Variants in BRAT1 observed in about 807,000 individuals in gnomAD.
BRAT1 encodes BRCA1 associated ATM activator 1.
A neutral mutation model predicts 70.6 loss-of-function variants in BRAT1; 74 were observed. The ratio of observed to expected loss-of-function variants is 1.05; its 90% CI spans 0.87 to 1.27. The LOEUF (loss-of-function observed/expected upper bound fraction) is 1.27. Ranked by LOEUF, BRAT1 falls within the 50% of genes most tolerant of loss-of-function variation. The pLI is 0.00. For missense variants in BRAT1, 1,203 were observed against 1,098.2 expected (o/e 1.10, Z -1.35); for synonymous variants, 615 against 517.1 (o/e 1.19, Z -2.57).
Position 2,539,280 on chromosome 7 carries a change from G to A in BRAT1, c.1669C>T (p.Pro557Ser). 1 of 1,612,018 alleles carries A rather than the reference G, an allele frequency of 6.2e-7. No homozygotes were observed. Among genetic ancestry groups the A allele is most frequent in the East Asian group, 2.2e-5 (1 of 44,882 alleles). Residue 557 changes from proline to serine, a missense_variant, in exon 13 of 14, where the codon CCT (proline) becomes TCT (serine). Pro to Ser is a moderately conservative substitution (Grantham distance 74). Transcript: ENST00000340611. ...PQLALQLLQD[P>S]ESYVRASAVT... ...GCACTCGCTCGGACATAACTCTCAG[G>A]GTCCTGGAGGAGCTGCAGGGCCAGC...
At chr7:2,554,786 G>C (rs1780290881) in intron 1 of BRAT1, among the ~76,000 whole-genome samples, 1 of 152,244 alleles carries the variant, frequency 6.6e-6, no homozygotes, top group Non-Finnish European at 1.5e-5. Context: ...AGGTGGGCCA[G>C]AGTCAGGGGC....
Position 2,539,644 on chromosome 7 carries a change from T to C in BRAT1, c.1499-2A>G, listed in dbSNP as rs1407786668. 1 of 1,588,374 alleles carries C rather than the reference T, an allele frequency of 6.3e-7. No individual in the cohort carries two copies. Among genetic ancestry groups the C allele is most frequent in the Non-Finnish European group, 8.6e-7 (1 of 1,165,738 alleles). On this transcript the variant is annotated splice_acceptor_variant, in intron 11 of 13. Coordinates refer to ENST00000340611, the MANE Select transcript of BRAT1 (RefSeq NM_152743.4). LOFTEE classifies it high-confidence loss of function. Reference sequence around the variant, plus strand: ...GTTTCTGCAGCACAGGGAACAGCTCTAGGGTGGGAAGGGACAGGTCAGGGT... The same window carrying C: ...GTTTCTGCAGCACAGGGAACAGCTCCAGGGTGGGAAGGGACAGGTCAGGGT...
chr7:2,542,920 C>CTACACTA, intron 6 of BRAT1: 1 of 231,552 alleles, frequency 4.3e-6, no homozygotes, highest in Admixed American at 5.6e-5. Flanking sequence ...GGCAGCGGAG[C>CTACACTA]GCAGGGCGTC....
Position 2,543,232 on chromosome 7 carries a change from C to G in BRAT1, c.895G>C (p.Ala299Pro). The G allele has an allele frequency of 6.2e-7, 1 of 1,608,824 alleles. No homozygotes were observed. Among genetic ancestry groups the G allele is most frequent in the East Asian group, 2.2e-5 (1 of 44,584 alleles). The change falls in exon 6 of 14, where the codon GCT (alanine) becomes CCT (proline). Residue 299 changes from alanine to proline, a missense_variant. Physicochemically the swap from Ala to Pro is conservative, Grantham distance 27. Transcript: ENST00000340611. The surrounding 1 kb of genome is among the most constrained non-coding windows in gnomAD (Gnocchi z 5.5). Reference protein sequence around the residue: ...CLGPTHMGPLALGILKLEHCP... With the variant: ...CLGPTHMGPLPLGILKLEHCP... ...TGCTCGAGCTTCAGGATCCCCAAAGCCAGGGGTCCCATGTGGGTGGGACCC... is the reference window on the plus strand; with the variant it reads ...TGCTCGAGCTTCAGGATCCCCAAAGGCAGGGGTCCCATGTGGGTGGGACCC...
intron 1 of BRAT1, 74 bp from the exon 2 acceptor site, chr7:2,554,521 CA>C (rs1780267834): frequency 2.7e-6 from 4 of 1,486,306 alleles, no homozygotes; most frequent in Non-Finnish European, 3.6e-6. Context: ...AGCAGCCCAC[CA>C]TGCCTGCTCA....
At chr7:2,548,073 G>C (rs187670455) in intron 2 of BRAT1, among the ~76,000 whole-genome samples, 1 of 141,922 alleles carries the variant, frequency 7.0e-6, no homozygotes, top group Non-Finnish European at 1.5e-5. Flanking sequence ...AGCCCTGGGC[G>C]ACAGAGCGAG....
In BRAT1 at chr7:2,539,578, G is replaced by A. The variant is rs747583240; in HGVS notation, c.1563C>T (p.Leu521=). The A allele has an allele frequency of 3.8e-6, 6 of 1,583,190 alleles. No homozygotes were observed. Among genetic ancestry groups the A allele is most frequent in the East Asian group, 2.3e-5 (1 of 42,974 alleles). Residue 521 remains leucine, a synonymous_variant, in exon 12 of 14, where the codon CTC becomes CTT. Transcript: ENST00000340611. Reference sequence around the variant, plus strand: ...GCCTGCTCAGCTGGGTCAGGAACTCGAGGGCGGAGTCCCTCACCTCCCAGC... The same window carrying A: ...GCCTGCTCAGCTGGGTCAGGAACTCAAGGGCGGAGTCCCTCACCTCCCAGC... ...HPCWEVRDSA[L]EFLTQLSRHW...
At position 2,546,798 on chromosome 7, in the gene BRAT1, CATT is replaced by C. The variant is rs552281074; in HGVS notation, c.282+523_282+525del. ...TAATTTTTTAAAAAAAAGACATTCT[CATT>C]AGTCATTCACATTCTCATTAGTTAT... is the stretch of plus-strand genomic sequence containing the variant. On this transcript the variant is annotated intron_variant, in intron 3 of 13. Transcript: ENST00000340611. Among the ~76,000 whole-genome samples, 10 of 152,184 alleles carry C rather than the reference CATT, an allele frequency of 6.6e-5. No homozygotes were observed. In the South Asian group the frequency reaches 1.2e-3, roughly 19 times the overall value.
At chr7:2,552,891 C>A (rs926164438) in intron 2 of BRAT1, among the ~76,000 whole-genome samples, 7 of 146,608 alleles carry the variant, frequency 4.8e-5, no homozygotes, top group African/African-American at 7.9e-5. Flanking sequence ...GCGCCCACCA[C>A]CACGTCTGGC....
intron 2 of BRAT1, among the ~76,000 whole-genome samples, chr7:2,552,298 A>T (rs1780101660): frequency 6.7e-6 from 1 of 150,220 alleles, no homozygotes; most frequent in Non-Finnish European, 1.5e-5. Flanking sequence ...TTGTATTTTT[A>T]GTAGAGACGG....
Position 2,543,244 on chromosome 7 carries a change from T to G in BRAT1, c.883A>C (p.Met295Leu). 1 of 1,610,432 alleles carries G rather than the reference T, an allele frequency of 6.2e-7. No homozygotes were observed. Among genetic ancestry groups the G allele is most frequent in the South Asian group, 1.1e-5 (1 of 90,800 alleles). The change falls in exon 6 of 14, where the codon ATG (methionine) becomes CTG (leucine). Residue 295 changes from methionine to leucine, a missense_variant. Physicochemically the swap from Met to Leu is conservative, Grantham distance 15. Transcript: ENST00000340611. This position sits in a 1 kb window ranked among gnomAD's most constrained non-coding sequence, Gnocchi z 5.5. Reference sequence around the variant, plus strand: ...AGGATCCCCAAAGCCAGGGGTCCCATGTGGGTGGGACCCAGGCAGCTCAGA... The same window carrying G: ...AGGATCCCCAAAGCCAGGGGTCCCAGGTGGGTGGGACCCAGGCAGCTCAGA... ...RALSCLGPTH[M>L]GPLALGILKL...
At chr7:2,538,824 A>G (rs1778908947) in intron 13 of BRAT1, 60 bp from the exon 14 acceptor site, 1 of 1,582,432 alleles carries the variant, frequency 6.3e-7, no homozygotes, top group South Asian at 1.1e-5. Flanking sequence ...GGCTCCCGCA[A>G]CAGGACTCCG....
rs777809724 is a variant in BRAT1 at position 2,538,464 on chromosome 7, C to T, written c.2071G>A (p.Ala691Thr). The change falls in exon 14 of 14, where the codon GCA becomes ACA. Residue 691 changes from alanine (A) to threonine (T), a missense_variant. Transcript: ENST00000340611. ...EVAPAQPLTEALRALCHVGLF... is the reference protein window; with the variant it reads ...EVAPAQPLTETLRALCHVGLF... ...CCCACGTGGCAGAGAGCCCTCAGTG[C>T]CTCGGTGAGTGGCTGGGCTGGGGCC... 28 of 1,612,666 alleles carry T rather than the reference C, an allele frequency of 1.7e-5. No individual in the cohort carries two copies. In the Admixed American group the frequency reaches 2.0e-4, roughly 12 times the overall value.
intron 7 of BRAT1, 141 bp downstream of exon 7, chr7:2,541,979 C>T (rs1030836878): frequency 1.5e-5 from 18 of 1,200,878 alleles, no homozygotes; most frequent in East Asian, 5.0e-5. Flanking sequence ...GCCATGTCCC[C>T]GGTCCCCTTT....
At chr7:2,553,322 C>T (rs1226063749) in intron 2 of BRAT1, among the ~76,000 whole-genome samples, 1 of 152,138 alleles carries the variant, frequency 6.6e-6, no homozygotes, top group Non-Finnish European at 1.5e-5. Flanking sequence ...TGAGTCACCG[C>T]GCCTGACCTA....
At chr7:2,542,036 C>T (rs755972199) in intron 7 of BRAT1, 84 bp downstream of exon 7, 8 of 1,338,428 alleles carry the variant, frequency 6.0e-6, no homozygotes, top group Admixed American at 5.3e-5. Context: ...GCGGGGGTGG[C>T]GAGCCAGCTA....
chr7:2,552,091 TATATATATATA>T (rs1562593374), intron 2 of BRAT1, among the ~76,000 whole-genome samples: 42 of 17,630 alleles, frequency 2.4e-3, no homozygotes, highest in Non-Finnish European at 3.4e-3. Context: ...AATATATATA[TATATATATATA>T]TATATTTTTT....
intron 3 of BRAT1, 141 bp from the exon 4 acceptor site, chr7:2,545,197 C>A: frequency 2.1e-6 from 2 of 969,096 alleles, no homozygotes; most frequent in Non-Finnish European, 2.9e-6. Flanking sequence ...AACCCCATCT[C>A]TACTAGAAAT....
intron 2 of BRAT1, among the ~76,000 whole-genome samples, chr7:2,548,837 C>T (rs1175546747): frequency 6.6e-6 from 1 of 151,996 alleles, no homozygotes; most frequent in African/African-American, 2.4e-5. Flanking sequence ...TGGTGGCGGG[C>T]GCCTGTGGTC....
Sources: allele counts gnomAD v4.1 joint callset (sites outside exome capture counted in the v4.1 genomes callset), GRCh38; gene constraint gnomAD v4.1.1; non-coding constraint Gnocchi (gnomAD v3.1); transcripts MANE v1.5; gene names NCBI Gene and HGNC (gene_info 2026-07-23, HGNC 2026-07-21).